KIRREL1: variants seen among roughly 807,000 people sequenced by gnomAD.
KIRREL1 encodes the protein kirre like nephrin family adhesion molecule 1, also known as kin of IRRE-like protein 1.
In KIRREL1, 25 loss-of-function variants were observed where a neutral mutation model predicts 83.3. The observed-to-expected ratio is 0.30, with a 90% CI of 0.22 to 0.42. The LOEUF is 0.42. KIRREL1 is among the 10% of genes least tolerant of loss of function. The pLI, the probability that KIRREL1 is intolerant of heterozygous loss-of-function variation, is 1.00. For synonymous variants in KIRREL1, 388 were observed against 410.4 expected (o/e 0.95, Z 0.66); for missense variants, 812 against 1,032.3 (o/e 0.79, Z 2.92).
intron 1 of KIRREL1, among the ~76,000 whole-genome samples, chr1:158,064,285 G>C (rs1027300441): frequency 1.4e-4 from 21 of 152,192 alleles, no homozygotes; most frequent in African/African-American, 5.1e-4. Flanking sequence ...TGGCGTCATG[G>C]TTAACTGCCA....
chr1:158,028,753 G>A (rs1308877082), intron 1 of KIRREL1, among the ~76,000 whole-genome samples: 2 of 152,026 alleles, frequency 1.3e-5, no homozygotes, highest in African/African-American at 4.8e-5. Context: ...TTTCACTACA[G>A]TCTTGTGAAG....
At chr1:158,000,066 G>T (rs541919895) in intron 1 of KIRREL1, among the ~76,000 whole-genome samples, 4 of 151,390 alleles carry the variant, frequency 2.6e-5, no homozygotes, top group Non-Finnish European at 5.9e-5. Flanking sequence ...GGAAAGATGG[G>T]GTGGGGGCTG....
In KIRREL1 at chr1:158,089,794, G is replaced by A. The variant is rs769212897; in HGVS notation, c.1248G>A (p.Gly416=). Residue 416 remains glycine, a synonymous_variant, in exon 10 of 15, where the codon GGG becomes GGA. Coordinates refer to ENST00000359209, the MANE Select transcript of KIRREL1 (RefSeq NM_018240.7). ...GTGGCAAGGTGGAGTGTTTCATTGG[G>A]AGCACACCACCCCCAGACCGCATAG... ...GDGGKVECFI[G]STPPPDRIAW... 1 of 1,614,072 alleles carries A rather than the reference G, an allele frequency of 6.2e-7. No individual in the cohort carries two copies. Among genetic ancestry groups the A allele is most frequent in the Admixed American group, 1.7e-5 (1 of 60,014 alleles).
chr1:158,006,939 T>A (rs1659534924), intron 1 of KIRREL1, among the ~76,000 whole-genome samples: 1 of 152,180 alleles, frequency 6.6e-6, no homozygotes, highest in African/African-American at 2.4e-5. Context: ...AGTGTCCTTG[T>A]CCCGCCTTGC....
At chr1:158,069,052 C>T (rs1002412559) in intron 1 of KIRREL1, among the ~76,000 whole-genome samples, 6 of 152,250 alleles carry the variant, frequency 3.9e-5, no homozygotes, top group Middle Eastern at 3.4e-3. Flanking sequence ...CTACTTCTGC[C>T]GCCTGGTCCC....
At chr1:157,998,138 G>A (rs1659257137) in intron 1 of KIRREL1, among the ~76,000 whole-genome samples, 1 of 152,118 alleles carries the variant, frequency 6.6e-6, no homozygotes, top group South Asian at 2.1e-4. Context: ...CCAAAGTGCC[G>A]GGATTATAGG....
At chr1:158,070,026 C>T (rs1661469413) in intron 1 of KIRREL1, among the ~76,000 whole-genome samples, 1 of 152,184 alleles carries the variant, frequency 6.6e-6, no homozygotes, top group South Asian at 2.1e-4. Flanking sequence ...CTCCTCCCTT[C>T]GTGTAGGGAC....
At position 157,993,733 on chromosome 1, in the gene KIRREL1, G is replaced by A; in HGVS notation, c.52+5G>A. On this transcript the variant is annotated splice_donor_5th_base_variant and intron_variant, in intron 1 of 14. Transcript: ENST00000359209. ...TCTCCGATACTTTCTCCCAAGGTAA[G>A]GGCCCCCAGCCCACCCCCGGACGCT... The A allele has an allele frequency of 6.7e-7, 1 of 1,490,344 alleles. No homozygotes were observed. Among genetic ancestry groups the A allele is most frequent in the Non-Finnish European group, 8.9e-7 (1 of 1,117,468 alleles). The allele number at this position is 1,490,344 out of a possible 1,614,324, so 92.3% of individuals were successfully genotyped here.
intron 1 of KIRREL1, among the ~76,000 whole-genome samples, chr1:158,026,283 T>C (rs1356699769): frequency 6.6e-6 from 1 of 152,218 alleles, no homozygotes; most frequent in Non-Finnish European, 1.5e-5. Context: ...TTCCAGCCTC[T>C]GGCCGGTGTG....
chr1:158,089,507 G>C lies in KIRREL1; in HGVS notation c.1050G>C (p.Leu350=), dbSNP rs756831592. The C allele has an allele frequency of 3.7e-5, 59 of 1,614,048 alleles. No individual in the cohort carries two copies. In the East Asian group the frequency reaches 1.3e-3, roughly 35 times the overall value. Residue 350 remains leucine (L), a synonymous_variant, in exon 9 of 15, where the codon CTG becomes CTC. Transcript: ENST00000359209. ...AGGCTGCTCTCTCTGCCCAGGTCCT[G>C]AGTAACAGCAACCAGCTGCTGCTGA... ...TWTKKDSNMV[L]SNSNQLLLKS...
chr1:158,002,634 T>C (rs920500339), intron 1 of KIRREL1, among the ~76,000 whole-genome samples: 2 of 152,078 alleles, frequency 1.3e-5, no homozygotes, highest in Non-Finnish European at 2.9e-5. Flanking sequence ...CTCAGTATGG[T>C]GTGGGAGATG....
intron 1 of KIRREL1, among the ~76,000 whole-genome samples, chr1:158,047,698 CCTAAGGTCA>C (rs1411946607): frequency 6.6e-6 from 1 of 152,086 alleles, no homozygotes; most frequent in Non-Finnish European, 1.5e-5. Flanking sequence ...GTGAGCCTTG[CCTAAGGTCA>C]CTTCATTATT....
In KIRREL1 at chr1:158,086,762, G is replaced by A. The variant is rs1203751281; in HGVS notation, c.661+16G>A. On this transcript the variant is annotated intron_variant, in intron 5 of 14. Coordinates refer to ENST00000359209, the MANE Select transcript of KIRREL1 (RefSeq NM_018240.7). Reference sequence around the variant, plus strand: ...GATGTGCACCGTGAGTGGGCTGGGGGGAGCAGTCTGGAGCAGGGGGGTGGA... The same window carrying A: ...GATGTGCACCGTGAGTGGGCTGGGGAGAGCAGTCTGGAGCAGGGGGGTGGA... The A allele has an allele frequency of 1.9e-6, 3 of 1,543,704 alleles. No individual in the cohort carries two copies. The highest frequency in any genetic ancestry group is 2.7e-5 in the African/African-American group (2 of 72,944).
intron 1 of KIRREL1, among the ~76,000 whole-genome samples, chr1:158,073,871 A>G: frequency 6.6e-6 from 1 of 152,202 alleles, no homozygotes; most frequent in East Asian, 1.9e-4. Context: ...GAGAGACTTC[A>G]GCGAGAGACC....
intron 1 of KIRREL1, among the ~76,000 whole-genome samples, chr1:158,016,550 A>G (rs1231693008): frequency 6.6e-6 from 1 of 152,116 alleles, no homozygotes; most frequent in Admixed American, 6.6e-5. Context: ...TTTCTTTTTA[A>G]CTTTGGGATG....
chr1:157,995,147 G>A (rs75153023), intron 1 of KIRREL1, among the ~76,000 whole-genome samples: 6,168 of 152,262 alleles, frequency 0.041, 210 homozygotes, highest in East Asian at 0.13. Flanking sequence ...CCCTTCCTGC[G>A]TTTGTAGGTG....
At chr1:158,014,347 A>G (rs1332550623) in intron 1 of KIRREL1, among the ~76,000 whole-genome samples, 1 of 152,178 alleles carries the variant, frequency 6.6e-6, no homozygotes, top group Non-Finnish European at 1.5e-5. Context: ...TTGTGAAGCC[A>G]TGAAAACCCA....
chr1:158,087,691 T>G (rs1373111912), intron 5 of KIRREL1, 64 bp from the exon 6 acceptor site: 4 of 1,187,332 alleles, frequency 3.4e-6, no homozygotes, highest in Non-Finnish European at 4.9e-6. Flanking sequence ...ATGTACGTGT[T>G]AGGGAGGGAA....
In KIRREL1 at chr1:158,094,848, C is replaced by G. The variant is rs1662310295; in HGVS notation, c.2002C>G (p.Pro668Ala). Reference sequence around the variant, plus strand: ...TGACTATGGCCCTGAGCCCACACCCCCTGGCCCTGCTGCCCCAGCTGGCAC... The same window carrying G: ...TGACTATGGCCCTGAGCCCACACCCGCTGGCCCTGCTGCCCCAGCTGGCAC... Reference protein sequence around the residue: ...ASDYGPEPTPPGPAAPAGTDT... With the variant: ...ASDYGPEPTPAGPAAPAGTDT... Residue 668 changes from proline to alanine, a missense_variant, in exon 15 of 15, where the codon CCT becomes GCT. Around this residue, in one of 3 missense-constraint regions of KIRREL1, gnomAD observed 334 missense variants for 383.7 expected, o/e 0.87. Transcript: ENST00000359209. The surrounding 1 kb of genome is among the most constrained non-coding windows in gnomAD (Gnocchi z 4.6). 7 of 1,614,010 alleles carry G rather than the reference C, an allele frequency of 4.3e-6. No homozygotes were observed. The East Asian group carries it at 1.1e-4, about 26-fold the overall frequency.
Sources: allele counts gnomAD v4.1 joint callset (sites outside exome capture counted in the v4.1 genomes callset), GRCh38; gene constraint gnomAD v4.1.1; regional missense constraint gnomAD v4.1.1; non-coding constraint Gnocchi (gnomAD v3.1); transcripts MANE v1.5; gene names NCBI Gene and HGNC (gene_info 2026-07-23, HGNC 2026-07-21).